The following DISC1 variants were observed in gnomAD, a reference collection of about 807,000 sequenced individuals.
DISC1 encodes the protein DISC1 scaffold protein.
A neutral mutation model predicts 84.5 loss-of-function variants in DISC1; 57 were observed. The observed-to-expected ratio is 0.67, with a 90% confidence interval of 0.55 to 0.84. DISC1 has a LOEUF of 0.84. Ranked by LOEUF, DISC1 falls within the 40% of genes least tolerant of loss-of-function variation. The pLI is 0.00. For missense variants in DISC1, 1,000 were observed against 1,057.8 expected (o/e 0.95, Z 0.76); for synonymous variants, 411 against 415.2 (o/e 0.99, Z 0.12).
rs1004451959 is a variant in DISC1 at position 231,943,196 on chromosome 1, G to A, written c.1982-15632G>A. Among the ~76,000 whole-genome samples, 10 of 152,216 alleles carry A rather than the reference G, an allele frequency of 6.6e-5. 2 individuals are homozygous for A. The highest frequency in any genetic ancestry group is 4.6e-4 in the Admixed American group (7 of 15,284). On this transcript the variant is annotated intron_variant, in intron 9 of 12. Transcript: ENST00000439617. ...TGATGCTTTAAAATGTATTATTCAG[G>A]CATGATGAGGCCAACAGATCAGGAG... is the stretch of plus-strand genomic sequence containing the variant.
intron 3 of DISC1, among the ~76,000 whole-genome samples, chr1:231,716,840 C>T (rs201001608): frequency 3.1e-4 from 47 of 152,072 alleles, no homozygotes; most frequent in Non-Finnish European, 5.9e-4. Context: ...AACGAGATGG[C>T]GCCTGTGCTC....
chr1:231,910,464 TTTCTATGTAGTTGAG>T (rs1378736449), intron 9 of DISC1, among the ~76,000 whole-genome samples: 5 of 152,230 alleles, frequency 3.3e-5, no homozygotes, highest in Non-Finnish European at 7.3e-5. Flanking sequence ...GGTTGTTCAG[TTTCTATGTAGTTGAG>T]CGGTTTTGAG....
At chr1:231,878,744 A>G (rs1039805673) in intron 9 of DISC1, among the ~76,000 whole-genome samples, 1 of 152,144 alleles carries the variant, frequency 6.6e-6, no homozygotes, top group Non-Finnish European at 1.5e-5. Context: ...CAACAAGCAG[A>G]ACATTATTAA....
chr1:231,680,577 A>G (rs1039141657), intron 1 of DISC1, among the ~76,000 whole-genome samples: 7 of 152,204 alleles, frequency 4.6e-5, no homozygotes, highest in Non-Finnish European at 1.5e-5. Flanking sequence ...CTTGTTTTTT[A>G]GTAAGACCAT....
At chr1:231,657,290 A>C (rs2061183044) in intron 1 of DISC1, among the ~76,000 whole-genome samples, 2 of 152,158 alleles carry the variant, frequency 1.3e-5, no homozygotes, top group South Asian at 4.1e-4. Flanking sequence ...CCTCACCAGC[A>C]TCTGTTGTTT....
At chr1:231,992,028 T>C (rs955491376) in intron 10 of DISC1, among the ~76,000 whole-genome samples, 1 of 152,162 alleles carries the variant, frequency 6.6e-6, no homozygotes, top group African/African-American at 2.4e-5. Flanking sequence ...ATTTTCTCCA[T>C]TTGGTTGTTT....
At chr1:231,782,578 A>G (rs1386033985) in intron 6 of DISC1, among the ~76,000 whole-genome samples, 1 of 152,224 alleles carries the variant, frequency 6.6e-6, no homozygotes, top group Non-Finnish European at 1.5e-5. Flanking sequence ...CTTTACAGTT[A>G]TGGAAAATAT....
chr1:231,836,827 C>T (rs138389669), intron 9 of DISC1, among the ~76,000 whole-genome samples: 1 of 152,180 alleles, frequency 6.6e-6, no homozygotes, highest in East Asian at 1.9e-4. Context: ...CCCCGCCCCT[C>T]CCCGTGTGAT....
intron 9 of DISC1, among the ~76,000 whole-genome samples, chr1:231,873,340 A>G (rs574057630): frequency 6.6e-6 from 1 of 152,356 alleles, no homozygotes; most frequent in Admixed American, 6.5e-5. Context: ...GATTTATAGT[A>G]GGGCTGCAGA....
intron 10 of DISC1, chr1:231,959,223 A>AG: frequency 3.0e-6 from 3 of 1,016,752 alleles, no homozygotes; most frequent in Non-Finnish European, 3.5e-6. Context: ...TTAGTGTTTG[A>AG]GGGGGGTCTT....
chr1:231,906,062 G>A (rs2088609813), intron 9 of DISC1, among the ~76,000 whole-genome samples: 1 of 114,414 alleles, frequency 8.7e-6, no homozygotes, highest in African/African-American at 3.4e-5. Context: ...TCACTCTGTT[G>A]CCCAGGCTGG....
intron 9 of DISC1, among the ~76,000 whole-genome samples, chr1:231,930,044 G>A (rs1360502915): frequency 6.6e-6 from 1 of 152,138 alleles, no homozygotes; most frequent in Non-Finnish European, 1.5e-5. Flanking sequence ...GAGATGGCCC[G>A]AAAACCCCTG....
At chr1:231,966,328 G>C (rs2102794117) in intron 10 of DISC1, among the ~76,000 whole-genome samples, 1 of 152,322 alleles carries the variant, frequency 6.6e-6, no homozygotes. Flanking sequence ...CCAGAGGTGA[G>C]TAGTTAAGTG....
intron 9 of DISC1, among the ~76,000 whole-genome samples, chr1:231,927,293 C>A (rs1470610010): frequency 6.6e-6 from 1 of 152,222 alleles, no homozygotes; most frequent in Non-Finnish European, 1.5e-5. Context: ...CACTCTCACA[C>A]ATTTCTAGGT....
intron 6 of DISC1, among the ~76,000 whole-genome samples, chr1:231,776,037 T>C (rs1246174847): frequency 6.6e-6 from 1 of 152,166 alleles, no homozygotes; most frequent in South Asian, 2.1e-4. Context: ...ATCTATTTAT[T>C]TGGCGTAAAT....
chr1:231,686,120 C>A (rs1296854433), intron 1 of DISC1, among the ~76,000 whole-genome samples: 2 of 152,162 alleles, frequency 1.3e-5, no homozygotes, highest in Non-Finnish European at 2.9e-5. Context: ...CAGGTTGGCA[C>A]TGAGTGTCTG....
chr1:231,662,011 C>T (rs2061602456), intron 1 of DISC1, among the ~76,000 whole-genome samples: 1 of 152,194 alleles, frequency 6.6e-6, no homozygotes, highest in Non-Finnish European at 1.5e-5. Context: ...AGGGCTGCTG[C>T]AGTTTGCTGG....
chr1:232,037,049 C>T lies in DISC1; in HGVS notation c.*218C>T, dbSNP rs1670573749. 2 of 405,296 alleles carry T rather than the reference C, an allele frequency of 4.9e-6. No individual in the cohort carries two copies. The highest frequency in any genetic ancestry group is 1.3e-4 in the South Asian group (1 of 7,722). The allele number at this position is 405,296 out of a possible 1,614,324, so 25.1% of individuals were successfully genotyped here. On this transcript the variant is annotated 3_prime_UTR_variant, in exon 13 of 13. Coordinates refer to ENST00000439617, the MANE Select transcript of DISC1 (RefSeq NM_018662.3). ...GAGAGAGACTGATTTGCTGAATTTC[C>T]TTCTAAATGTCACTCAAAAATTTCT...
chr1:231,778,609 C>T (rs1337949417), intron 6 of DISC1, among the ~76,000 whole-genome samples: 2 of 152,066 alleles, frequency 1.3e-5, no homozygotes, highest in Non-Finnish European at 2.9e-5. Flanking sequence ...TATATCCTCC[C>T]GTTTTCTTCT....
Sources: allele counts gnomAD v4.1 joint callset (sites outside exome capture counted in the v4.1 genomes callset), GRCh38; gene constraint gnomAD v4.1.1; transcripts MANE v1.5; gene names NCBI Gene and HGNC (gene_info 2026-07-23, HGNC 2026-07-21).